Variants in TRIP11 observed in about 807,000 individuals in gnomAD.
TRIP11 encodes the protein thyroid hormone receptor interactor 11.
A neutral mutation model predicts 223.1 loss-of-function variants in TRIP11; 148 were observed. The observed-to-expected ratio is 0.66, with a 90% CI of 0.58 to 0.76. TRIP11 has a LOEUF of 0.76. Ranked by LOEUF, TRIP11 falls within the 30% of genes least tolerant of loss-of-function variation. The probability of loss-of-function intolerance (pLI) is 0.00; values close to 1 mark genes in which losing one functional copy is unlikely to be tolerated. For synonymous variants in TRIP11, 762 were observed against 772.6 expected (o/e 0.99, Z 0.23); for missense variants, 2,043 against 2,222.0 (o/e 0.92, Z 1.62).
intron 16 of TRIP11, among the ~76,000 whole-genome samples, chr14:91,980,508 T>G (rs1319916937): frequency 1.3e-5 from 2 of 152,242 alleles, no homozygotes; most frequent in East Asian, 3.8e-4. Flanking sequence ...CTCAAAGAAT[T>G]TGATAGAATC....
Position 92,004,803 on chromosome 14 carries a change from G to A in TRIP11, c.3173C>T (p.Thr1058Ile), listed in dbSNP as rs1218350200. 1 of 1,614,066 alleles carries A rather than the reference G, an allele frequency of 6.2e-7. No individual in the cohort carries two copies. Among genetic ancestry groups the A allele is most frequent in the East Asian group, 2.2e-5 (1 of 44,856 alleles). The change falls in exon 11 of 21, where the codon ACT becomes ATT. Residue 1058 changes from threonine (T) to isoleucine (I), a missense_variant. Physicochemically the swap from Thr to Ile is moderately conservative, Grantham distance 89. Coordinates refer to ENST00000267622, the MANE Select transcript of TRIP11 (RefSeq NM_004239.4). ...CAAATCTTTCTGCTGAATAATCTGA[G>A]TTAGTTTACCAACTTCATCTTTGGA... ...QLSKDEVGKLTQIIQQKDLEI... is the reference protein window; with the variant it reads ...QLSKDEVGKLIQIIQQKDLEI...
chr14:91,969,108 C>T lies in TRIP11; in HGVS notation c.*565G>A, dbSNP rs142041142. On this transcript the variant is annotated 3_prime_UTR_variant, in exon 21 of 21. Coordinates refer to ENST00000267622, the MANE Select transcript of TRIP11 (RefSeq NM_004239.4). Reference sequence around the variant, plus strand: ...TTAAAACAAACAAAAAAAGAATCTACACACATGATAATATTGCACAGGACC... The same window carrying T: ...TTAAAACAAACAAAAAAAGAATCTATACACATGATAATATTGCACAGGACC... The T allele has an allele frequency of 9.6e-5, 22 of 229,310 alleles. No homozygotes were observed. Among genetic ancestry groups the T allele is most frequent in the Admixed American group, 4.4e-4 (8 of 18,116 alleles). The allele number at this position is 229,310 out of a possible 1,614,324, so 14.2% of individuals were successfully genotyped here.
chr14:92,034,184 G>A (rs529995969), intron 1 of TRIP11, among the ~76,000 whole-genome samples: 1 of 152,192 alleles, frequency 6.6e-6, no homozygotes, highest in Non-Finnish European at 1.5e-5. Context: ...AGCACTTTGG[G>A]AGGCCAAGGT....
intron 2 of TRIP11, among the ~76,000 whole-genome samples, chr14:92,025,861 A>G (rs781613802): frequency 1.2e-4 from 18 of 149,754 alleles, no homozygotes; most frequent in Non-Finnish European, 8.9e-5. Context: ...GCCTGGTGAC[A>G]GAGCGAGACT....
rs367632896 is a variant in TRIP11 at position 92,021,652 on chromosome 14, A to G, written c.492T>C (p.Phe164=). 9.2e-5 allele frequency: 149 copies of G among 1,614,160 alleles called. 1 individual carries two copies. In the East Asian group the frequency reaches 2.0e-3, roughly 21 times the overall value. ...CTTGTTGGGATGAAATTATATCACCAAAGTCCATGTCATCGTCATGGAAAG... is the reference window on the plus strand; with the variant it reads ...CTTGTTGGGATGAAATTATATCACCGAAGTCCATGTCATCGTCATGGAAAG... ...PSAFHDDDMD[F]GDIISSQQEI... is the part of the protein sequence containing the mutation. Residue 164 remains phenylalanine (F), a synonymous_variant, in exon 4 of 21, where the codon TTT becomes TTC. Transcript: ENST00000267622.
At chr14:91,988,524 A>G (rs2056631626) in intron 15 of TRIP11, 141 bp from the exon 16 acceptor site, 1 of 687,536 alleles carries the variant, frequency 1.5e-6, no homozygotes, top group African/African-American at 1.8e-5. Context: ...GTATCCAACC[A>G]ATAAGTATCA....
Position 92,021,638 on chromosome 14 carries a change from G to A in TRIP11, c.506C>T (p.Ser169Leu), listed in dbSNP as rs766742508. Residue 169 changes from serine to leucine, a missense_variant, in exon 4 of 21, where the codon TCA (serine) becomes TTA (leucine). Ser to Leu is a moderately radical substitution (Grantham distance 145, BLOSUM62 -2). Coordinates refer to ENST00000267622, the MANE Select transcript of TRIP11 (RefSeq NM_004239.4). Reference protein sequence around the residue: ...DDDMDFGDIISSQQEINRLSN... With the variant: ...DDDMDFGDIILSQQEINRLSN... ...GAGTCGGTTTATTTCTTGTTGGGATGAAATTATATCACCAAAGTCCATGTC... is the reference window on the plus strand; with the variant it reads ...GAGTCGGTTTATTTCTTGTTGGGATAAAATTATATCACCAAAGTCCATGTC... 27 of 1,613,522 alleles carry A rather than the reference G, an allele frequency of 1.7e-5. No homozygotes were observed. Among genetic ancestry groups the A allele is most frequent in the Admixed American group, 1.0e-4 (6 of 60,012 alleles).
At chr14:92,000,574 A>T (rs573509377) in intron 11 of TRIP11, among the ~76,000 whole-genome samples, 2 of 152,356 alleles carry the variant, frequency 1.3e-5, no homozygotes, top group East Asian at 3.9e-4. Context: ...TATAAATTTA[A>T]AACTATTCTA....
chr14:91,999,529 T>C (rs1595382688), intron 12 of TRIP11, 96 bp from the exon 13 acceptor site: 3 of 1,296,228 alleles, frequency 2.3e-6, no homozygotes. Context: ...ATTGAAGATA[T>C]TAATTGTATA....
At chr14:92,023,261 G>T (rs939824795) in intron 3 of TRIP11, among the ~76,000 whole-genome samples, 1 of 152,206 alleles carries the variant, frequency 6.6e-6, no homozygotes, top group African/African-American at 2.4e-5. Context: ...AATACAGGTT[G>T]AGTATCCTTA....
rs1003430838 is a variant in TRIP11 at position 91,968,063 on chromosome 14, T to C, written c.*1610A>G. Reference sequence around the variant, plus strand: ...GAAAAACAAGTTTCACCCATCAACATGGAATTAAGACTTCCAGTCTTCCAA... The same window carrying C: ...GAAAAACAAGTTTCACCCATCAACACGGAATTAAGACTTCCAGTCTTCCAA... On this transcript the variant is annotated 3_prime_UTR_variant, in exon 21 of 21. Coordinates refer to ENST00000267622, the MANE Select transcript of TRIP11 (RefSeq NM_004239.4). 1 of 201,832 alleles carries C rather than the reference T, an allele frequency of 5.0e-6. No homozygotes were observed. The highest frequency in any genetic ancestry group is 1.0e-5 in the Non-Finnish European group (1 of 98,116). The allele number at this position is 201,832 out of a possible 1,614,324, so 12.5% of individuals were successfully genotyped here.
intron 10 of TRIP11, 107 bp downstream of exon 10, chr14:92,007,532 GT>G (rs1400222122): frequency 2.4e-6 from 3 of 1,231,410 alleles, no homozygotes; most frequent in Non-Finnish European, 3.5e-6. Flanking sequence ...TACCAAAAAG[GT>G]TTGTCAATCT....
rs201968668 is a variant in TRIP11, at chr14:92,026,996, CCCGCCCACCGTGGGCAGTG to C, written c.202-1595_202-1577del. The C allele has an allele frequency of 7.0e-3, 5,302 of 758,310 alleles. 223 individuals carry two copies. In the African/African-American group the frequency reaches 0.083, roughly 12 times the overall value. 47.0% of individuals were successfully genotyped at this position (758,310 alleles called of 1,614,324 possible). ...GGTCACCTTCAAGTAGAGAGGCCCG[CCCGCCCACCGTGGGCAGTG>C]CCACCAGCAGATGACACGCGCTCTC... On this transcript the variant is annotated intron_variant, in intron 2 of 20. Coordinates refer to ENST00000267622, the MANE Select transcript of TRIP11 (RefSeq NM_004239.4).
chr14:92,025,486 G>T, intron 2 of TRIP11, 66 bp from the exon 3 acceptor site: 1 of 1,154,044 alleles, frequency 8.7e-7, no homozygotes, highest in Non-Finnish European at 1.3e-6. Flanking sequence ...TATGTGCACA[G>T]CATTATGAAA....
rs2056494597 is a variant in TRIP11 at position 91,978,386 on chromosome 14, C to T, written c.5261-2197G>A. ...GCTTAGCTAACCTACCTCCAACCCC[C>T]ACCTTCCCTTTCCCTGAGACTTCCC... On this transcript the variant is annotated intron_variant, in intron 16 of 20. Transcript: ENST00000267622. The surrounding 1 kb of genome is among the most constrained non-coding windows in gnomAD (Gnocchi z 4.4). Among the ~76,000 whole-genome samples, 1 of 152,174 alleles carries T rather than the reference C, an allele frequency of 6.6e-6. No homozygotes were observed. Among genetic ancestry groups the T allele is most frequent in the Non-Finnish European group, 1.5e-5 (1 of 68,034 alleles).
At position 91,976,138 on chromosome 14, in the gene TRIP11, A is replaced by G; in HGVS notation, c.5312T>C (p.Leu1771Ser). 1 of 1,612,564 alleles carries G rather than the reference A, an allele frequency of 6.2e-7. No individual in the cohort carries two copies. The stretch of plus-strand genomic sequence containing the variant: ...TACTTTTCCTTCTGAGCTGTTTGCT[A>G]AGCTCATCAATTTCTTTTGTACATC... ...LDDVQKKLMS[L>S]ANSSEGKVDK... Residue 1771 changes from leucine (L) to serine (S), a missense_variant, in exon 17 of 21, where the codon TTA becomes TCA. Coordinates refer to ENST00000267622, the MANE Select transcript of TRIP11 (RefSeq NM_004239.4).
chr14:92,039,462 C>T (rs952965751), intron 1 of TRIP11, 85 bp downstream of exon 1: 2 of 1,464,050 alleles, frequency 1.4e-6, no homozygotes, highest in Non-Finnish European at 1.9e-6. Flanking sequence ...GACCTGTCCG[C>T]GTCTCCTGAC....
rs952024501 is a variant in TRIP11 at position 92,037,200 on chromosome 14, T to C, written c.139+2347A>G. On this transcript the variant is annotated intron_variant, in intron 1 of 20. Coordinates refer to ENST00000267622, the MANE Select transcript of TRIP11 (RefSeq NM_004239.4). The surrounding 1 kb of genome is among the most constrained non-coding windows in gnomAD (Gnocchi z 4.2). ...GTGCCAAAAGGAAGGTGTCACATAT[T>C]TGGTAATATAAGGAGCAAAAAAATT... Among the ~76,000 whole-genome samples the C allele has an allele frequency of 8.5e-5, 13 of 152,280 alleles. No individual in the cohort carries two copies. Among genetic ancestry groups the C allele is most frequent in the African/African-American group, 2.9e-4 (12 of 41,554 alleles).
At chr14:91,979,280 G>C (rs1410440505) in intron 16 of TRIP11, among the ~76,000 whole-genome samples, 1 of 150,498 alleles carries the variant, frequency 6.6e-6, no homozygotes, top group East Asian at 1.9e-4. Flanking sequence ...AAAAGAGAGA[G>C]AGAGAGAGAA....
Sources: gnomAD v4.1 joint callset for allele counts (sites outside exome capture counted in the v4.1 genomes callset) on GRCh38, gnomAD v4.1.1 for gene constraint, Gnocchi (gnomAD v3.1) non-coding constraint, MANE v1.5 for transcripts, NCBI Gene and HGNC (gene_info 2026-07-23, HGNC 2026-07-21) for gene names.